NAT1: variants seen among roughly 807,000 people sequenced by gnomAD.
NAT1 encodes the protein N-acetyltransferase 1, also known as arylamine N-acetyltransferase 1.
For missense variants in NAT1, 400 were observed against 339.2 expected (o/e 1.18, Z -1.41); for synonymous variants, 144 against 122.6 (o/e 1.17, Z -1.16).
chr8:18,173,004 G>A (rs564612055), intron 2 of NAT1, among the ~76,000 whole-genome samples: 23 of 152,180 alleles, frequency 1.5e-4, no homozygotes, highest in South Asian at 4.1e-4. Context: ...CCGTTCTCAT[G>A]GGGAGCCCAG....
intron 2 of NAT1, among the ~76,000 whole-genome samples, chr8:18,173,510 T>C (rs906916803): frequency 2.0e-5 from 3 of 152,160 alleles, no homozygotes; most frequent in Admixed American, 1.3e-4. Context: ...CAGAGCCACA[T>C]AAAGGGCTTT....
At chr8:18,196,360 A>G (rs528576090) in intron 2 of NAT1, among the ~76,000 whole-genome samples, 67 of 152,328 alleles carry the variant, frequency 4.4e-4, no homozygotes, top group African/African-American at 1.6e-3. Context: ...CTTCAAAGGC[A>G]TGAAGCACAA....
chr8:18,189,357 G>A (rs1034296613), intron 2 of NAT1, among the ~76,000 whole-genome samples: 1 of 152,034 alleles, frequency 6.6e-6, no homozygotes, highest in Non-Finnish European at 1.5e-5. Context: ...TTCCTGCAAG[G>A]TAGCAGGTAT....
chr8:18,184,152 C>T (rs1267203190), intron 2 of NAT1, among the ~76,000 whole-genome samples: 3 of 152,172 alleles, frequency 2.0e-5, no homozygotes, highest in African/African-American at 7.2e-5. Flanking sequence ...CATGACTTGC[C>T]ATAACATCCT....
At chr8:18,202,063 G>A (rs1803486759) in intron 2 of NAT1, among the ~76,000 whole-genome samples, 1 of 152,196 alleles carries the variant, frequency 6.6e-6, no homozygotes, top group Admixed American at 6.5e-5. Context: ...CCATTTGTAA[G>A]CGCATCTCTC....
intron 2 of NAT1, among the ~76,000 whole-genome samples, chr8:18,192,661 T>C (rs13260590): frequency 0.45 from 68,006 of 151,384 alleles, 16,318 homozygotes; most frequent in East Asian, 0.56. Flanking sequence ...TATGCAGCCA[T>C]AAAAAAGGAT....
intron 2 of NAT1, among the ~76,000 whole-genome samples, chr8:18,177,768 G>A (rs532351960): frequency 5.9e-5 from 9 of 152,074 alleles, no homozygotes; most frequent in Non-Finnish European, 7.4e-5. Context: ...TTTAGATTAC[G>A]CAGGTTGCAA....
intron 2 of NAT1, among the ~76,000 whole-genome samples, chr8:18,178,086 G>A (rs1431861972): frequency 4.6e-5 from 7 of 152,196 alleles, no homozygotes; most frequent in African/African-American, 1.7e-4. Context: ...TTGGAGTCAT[G>A]GGACAGAGGG....
chr8:18,217,814 A>G (rs939336315), intron 1 of NAT1, among the ~76,000 whole-genome samples: 2 of 152,138 alleles, frequency 1.3e-5, no homozygotes, highest in African/African-American at 4.8e-5. Flanking sequence ...TTGTTTCTTT[A>G]CAGGGAACAT....
At chr8:18,210,921 C>G (rs28359491) in intron 1 of NAT1, among the ~76,000 whole-genome samples, 1,849 of 152,230 alleles carry the variant, frequency 0.012, 45 homozygotes, top group African/African-American at 0.042. Flanking sequence ...ATTACAGGCA[C>G]CCGCCACCAT....
intron 1 of NAT1, among the ~76,000 whole-genome samples, chr8:18,219,151 G>C (rs1805012705): frequency 1.3e-5 from 2 of 152,102 alleles, no homozygotes. Context: ...TCGGGAGGCT[G>C]TGGAAGCCCC....
chr8:18,215,325 G>A (rs982074502), intron 1 of NAT1, among the ~76,000 whole-genome samples: 3 of 152,154 alleles, frequency 2.0e-5, no homozygotes, highest in Non-Finnish European at 4.4e-5. Flanking sequence ...GCATTGGCTT[G>A]TCCTTGACTG....
rs561410085 is a variant in NAT1, at chr8:18,172,239, G to A, written n.92+1500G>A. ...CTAGAAGAAGAGAATAGCAGGCAGTGTATGCTGTTACAATAGAAACTTTTA... is the reference window on the plus strand; with the variant it reads ...CTAGAAGAAGAGAATAGCAGGCAGTATATGCTGTTACAATAGAAACTTTTA... On this transcript the variant is annotated intron_variant and non_coding_transcript_variant, in intron 2 of 4. Transcript: ENST00000517441. Among the ~76,000 whole-genome samples, 10 of 152,302 alleles carry A rather than the reference G, an allele frequency of 6.6e-5. 1 individual carries two copies. Among genetic ancestry groups the A allele is most frequent in the Admixed American group, 5.2e-4 (8 of 15,288 alleles).
In NAT1 at chr8:18,183,625, C is replaced by A. The variant is rs111486397; in HGVS notation, n.92+12886C>A. ...TCATTTTCTGTGTTCCCTTACAGAA[C>A]GGAAGATATGGGTGAGACTGAAGCA... On this transcript the variant is annotated intron_variant and non_coding_transcript_variant, in intron 2 of 4. Transcript: ENST00000517441. 1.8e-3 allele frequency among the ~76,000 whole-genome samples: 274 copies of A among 152,284 alleles called. 1 individual carries two copies. Among genetic ancestry groups the A allele is most frequent in the African/African-American group, 6.3e-3 (261 of 41,560 alleles).
At chr8:18,179,771 A>C (rs1336800225) in intron 2 of NAT1, among the ~76,000 whole-genome samples, 2 of 152,192 alleles carry the variant, frequency 1.3e-5, no homozygotes, top group East Asian at 1.9e-4. Context: ...ATCACAAACC[A>C]AATCAAAGCA....
chr8:18,189,924 G>C (rs1187078945), intron 2 of NAT1, among the ~76,000 whole-genome samples: 4 of 152,190 alleles, frequency 2.6e-5, no homozygotes, highest in Middle Eastern at 3.4e-3. Context: ...TGAGTAGCTG[G>C]GACTACATGC....
At chr8:18,217,540 AG>A (rs1422474798) in intron 1 of NAT1, among the ~76,000 whole-genome samples, 1 of 152,224 alleles carries the variant, frequency 6.6e-6, no homozygotes, top group African/African-American at 2.4e-5. Context: ...ATTTGGGAAA[AG>A]TAAGTGGGAC....
intron 2 of NAT1, among the ~76,000 whole-genome samples, chr8:18,174,832 C>T (rs1167255564): frequency 6.6e-6 from 1 of 152,052 alleles, no homozygotes; most frequent in African/African-American, 2.4e-5. Context: ...GGCTCTATAA[C>T]CCTTTTACCT....
Position 18,180,251 on chromosome 8 carries a change from G to A in NAT1, n.92+9512G>A, listed in dbSNP as rs76656029. On this transcript the variant is annotated intron_variant and non_coding_transcript_variant, in intron 2 of 4. Coordinates refer to the NAT1 transcript ENST00000517441. ...GGGTGGTGTTGAGTTAGGAAAATTA[G>A]TGCTAGAGTTGGATTTCACACTTAG... 9.8e-3 allele frequency among the ~76,000 whole-genome samples: 1,486 copies of A among 152,208 alleles called. 17 individuals are homozygous for A. The highest frequency in any genetic ancestry group is 0.034 in the African/African-American group (1,402 of 41,526).
Sources: allele counts gnomAD v4.1 joint callset (sites outside exome capture counted in the v4.1 genomes callset), GRCh38; gene constraint gnomAD v4.1.1; transcripts MANE v1.5; gene names NCBI Gene and HGNC (gene_info 2026-07-23, HGNC 2026-07-21).